BCL2L11: variants seen among roughly 807,000 people sequenced by gnomAD.
BCL2L11 encodes BCL2 like 11.
In BCL2L11, 15 loss-of-function variants were observed where a neutral mutation model predicts 20.6. The observed-to-expected ratio is 0.73, with a 90% CI of 0.49 to 1.12. The LOEUF is 1.12. Ranked by LOEUF, BCL2L11 falls within the 50% of genes most tolerant of loss-of-function variation. The pLI is 0.00. For missense variants in BCL2L11, 292 were observed against 260.9 expected (o/e 1.12, Z -0.82); for synonymous variants, 108 against 92.8 (o/e 1.16, Z -0.94).
chr2:111,122,290 T>C (rs1367599239), intron 1 of BCL2L11, among the ~76,000 whole-genome samples: 1 of 152,026 alleles, frequency 6.6e-6, no homozygotes, highest in African/African-American at 2.4e-5. Context: ...GCGCAAGTCC[T>C]GCTTTGTCTC....
In BCL2L11 at chr2:111,127,022, GTC is replaced by G. The variant is rs371823094; in HGVS notation, c.394+2887_394+2888del. Reference sequence around the variant, plus strand: ...CACTGTTTTCATATTTTCCTTTTATGTCTCTGATTTTTCTGAAGACAAGTTCA... The same window carrying G: ...CACTGTTTTCATATTTTCCTTTTATGTCTGATTTTTCTGAAGACAAGTTCA... On this transcript the variant is annotated intron_variant, in intron 2 of 3. Transcript: ENST00000393256. Among the ~76,000 whole-genome samples the G allele has an allele frequency of 1.3e-3, 202 of 151,972 alleles. 2 individuals carry two copies. The highest frequency in any genetic ancestry group is 4.5e-3 in the African/African-American group (188 of 41,418).
At chr2:111,139,784 C>T (rs1246233839) in intron 2 of BCL2L11, among the ~76,000 whole-genome samples, 1 of 152,198 alleles carries the variant, frequency 6.6e-6, no homozygotes, top group Non-Finnish European at 1.5e-5. Flanking sequence ...TCCCCAGTGT[C>T]CTCTGGGAAA....
intron 2 of BCL2L11, among the ~76,000 whole-genome samples, chr2:111,141,520 G>C (rs186052885): frequency 8.7e-6 from 1 of 115,472 alleles, no homozygotes; most frequent in African/African-American, 3.3e-5. Context: ...GTTGTGGGGT[G>C]GGGGGAGGGG....
At chr2:111,123,656 CTAGG>C (rs1386693709) in intron 1 of BCL2L11, 73 bp from the exon 2 acceptor site, 2 of 1,294,634 alleles carry the variant, frequency 1.5e-6, no homozygotes, top group African/African-American at 3.1e-5. Flanking sequence ...TTTTTAATCG[CTAGG>C]TGAGAGCTAA....
At chr2:111,122,083 G>T (rs1454752511) in intron 1 of BCL2L11, among the ~76,000 whole-genome samples, 1 of 152,234 alleles carries the variant, frequency 6.6e-6, no homozygotes, top group Non-Finnish European at 1.5e-5. Context: ...GGTCGCGGAC[G>T]TGCGCGTCCG....
chr2:111,161,729 A>T (rs1168136478), intron 3 of BCL2L11, among the ~76,000 whole-genome samples: 1 of 152,206 alleles, frequency 6.6e-6, no homozygotes, highest in Non-Finnish European at 1.5e-5. Flanking sequence ...CCCTGGCCAG[A>T]AGCCACTGGG....
At chr2:111,131,763 G>A (rs1574965388) in intron 2 of BCL2L11, 1 of 152,250 alleles carries the variant, frequency 6.6e-6, no homozygotes, top group African/African-American at 2.4e-5. Flanking sequence ...GCCTCAAGAT[G>A]AGATGGTAGA....
intron 2 of BCL2L11, among the ~76,000 whole-genome samples, chr2:111,125,839 G>A (rs934749633): frequency 4.6e-5 from 7 of 152,142 alleles, no homozygotes; most frequent in African/African-American, 7.2e-5. Flanking sequence ...ACTACTGCTC[G>A]TGAACTCATT....
At chr2:111,126,798 G>A (rs1345138223) in intron 2 of BCL2L11, among the ~76,000 whole-genome samples, 1 of 152,120 alleles carries the variant, frequency 6.6e-6, no homozygotes, top group African/African-American at 2.4e-5. Context: ...ATTATGATTG[G>A]TTTGAACTAG....
intron 1 of BCL2L11, among the ~76,000 whole-genome samples, chr2:111,121,942 C>G (rs1574840442): frequency 6.6e-6 from 1 of 152,338 alleles, no homozygotes; most frequent in East Asian, 1.9e-4. Flanking sequence ...TCACGCATGC[C>G]CGAGCACACC....
chr2:111,131,747 C>T (rs1006568080), intron 2 of BCL2L11: 4 of 152,088 alleles, frequency 2.6e-5, no homozygotes, highest in Non-Finnish European at 4.4e-5. Context: ...AACCCTATCT[C>T]GGGCAGCCTC....
chr2:111,132,977 C>A (rs963581074), intron 2 of BCL2L11, among the ~76,000 whole-genome samples: 2 of 152,188 alleles, frequency 1.3e-5, no homozygotes, highest in Non-Finnish European at 2.9e-5. Context: ...ATACTCTATA[C>A]AATTTCAGTT....
In BCL2L11 at chr2:111,122,621, A is replaced by C. The variant is rs939084105; in HGVS notation, c.-13-1112A>C. ...CGGCGGTGCCGGCGGCGGCGGGCGCAGAGCGCGAGGGGAGGAGCGGGAGGA... is the reference window on the plus strand; with the variant it reads ...CGGCGGTGCCGGCGGCGGCGGGCGCCGAGCGCGAGGGGAGGAGCGGGAGGA... On this transcript the variant is annotated intron_variant, in intron 1 of 3. Transcript: ENST00000393256. 4.5e-4 allele frequency: 442 copies of C among 984,036 alleles called. 6 individuals are homozygous for C. Among genetic ancestry groups the C allele is most frequent in the Admixed American group, 3.1e-4 (5 of 16,036 alleles). The allele number at this position is 984,036 out of a possible 1,614,324, so 61.0% of individuals were successfully genotyped here. A position where few individuals can be genotyped will look rare whatever the true frequency, so the allele number is the denominator to read the frequency against.
Position 111,167,562 on chromosome 2 carries a change from C to T in BCL2L11, c.*3331C>T, listed in dbSNP as rs1424381427. 1 of 152,180 alleles carries T rather than the reference C, an allele frequency of 6.6e-6. No individual in the cohort carries two copies. Among genetic ancestry groups the T allele is most frequent in the Non-Finnish European group, 1.5e-5 (1 of 68,038 alleles). 9.4% of individuals were successfully genotyped at this position (152,180 alleles called of 1,614,324 possible). ...CGTTTAGAAAAGAAATAAAATGTGC[C>T]ACTTCCAGAGGTGCTGCATTGCAGT... On this transcript the variant is annotated 3_prime_UTR_variant, in exon 4 of 4. Coordinates refer to ENST00000393256, the MANE Select transcript of BCL2L11 (RefSeq NM_138621.5).
intron 2 of BCL2L11, among the ~76,000 whole-genome samples, chr2:111,126,541 G>T (rs908170010): frequency 6.6e-6 from 1 of 152,034 alleles, no homozygotes; most frequent in Non-Finnish European, 1.5e-5. Flanking sequence ...TTGGGGTTGG[G>T]GGAGGAAAGG....
chr2:111,156,614 G>A (rs1167707775), intron 3 of BCL2L11, among the ~76,000 whole-genome samples: 1 of 152,086 alleles, frequency 6.6e-6, no homozygotes, highest in Non-Finnish European at 1.5e-5. Context: ...TGTGGACTAT[G>A]GATTGCTGGT....
chr2:111,145,112 C>T (rs528536563), intron 2 of BCL2L11, among the ~76,000 whole-genome samples: 1 of 152,150 alleles, frequency 6.6e-6, no homozygotes, highest in Non-Finnish European at 1.5e-5. Context: ...GAAAACAGTA[C>T]AGAGTGCAGC....
chr2:111,153,375 TA>T (rs112751114), intron 3 of BCL2L11, among the ~76,000 whole-genome samples: 48 of 146,442 alleles, frequency 3.3e-4, no homozygotes, highest in South Asian at 1.3e-3. Flanking sequence ...AAACTCCATC[TA>T]AAAAAAAAAA....
At chr2:111,153,925 C>T in intron 3 of BCL2L11, 1 of 1,518,864 alleles carries the variant, frequency 6.6e-7, no homozygotes, top group Non-Finnish European at 8.9e-7. Flanking sequence ...AGTCCCAGTG[C>T]ATGTCCCCTC....
Sources: allele counts gnomAD v4.1 joint callset (sites outside exome capture counted in the v4.1 genomes callset), GRCh38; gene constraint gnomAD v4.1.1; transcripts MANE v1.5; gene names NCBI Gene and HGNC (gene_info 2026-07-23, HGNC 2026-07-21).